PPIE: variants seen among roughly 807,000 people sequenced by gnomAD.
PPIE encodes peptidylprolyl isomerase E.
Under a neutral mutation model 38.4 loss-of-function variants are expected in PPIE, and 20 were observed. That is an observed-to-expected ratio of 0.52 (90% CI 0.37 to 0.76). The LOEUF (loss-of-function observed/expected upper bound fraction) is 0.76. Among genes scored for constraint, PPIE ranks in the 30% least tolerant of loss-of-function variants. PPIE has a pLI of 0.00. For missense variants in PPIE, 322 were observed against 385.8 expected (o/e 0.83, Z 1.39); for synonymous variants, 142 against 135.7 (o/e 1.05, Z -0.32).
chr1:39,753,316 G>C lies in PPIE; in HGVS notation c.867G>C (p.Lys289Asn). Residue 289 changes from lysine to asparagine, a missense_variant, in exon 10 of 10, where the codon AAG becomes AAC. Lys to Asn is a moderately conservative substitution (Grantham distance 94). Coordinates refer to ENST00000324379, the MANE Select transcript of PPIE (RefSeq NM_006112.4). ...EAQGSKDGKPKQKVIIADCGE... is the reference protein window; with the variant it reads ...EAQGSKDGKPNQKVIIADCGE... ...AGGGCAGCAAGGACGGGAAGCCAAA[G>C]CAGAAGGTGATCATCGCCGACTGTG... The C allele has an allele frequency of 6.2e-7, 1 of 1,614,210 alleles. No individual in the cohort carries two copies. The highest frequency in any genetic ancestry group is 8.5e-7 in the Non-Finnish European group (1 of 1,180,014).
downstream of PPIE, chr1:39,759,267 C>G (rs1008532832): frequency 1.3e-5 from 2 of 152,478 alleles, no homozygotes; most frequent in Admixed American, 6.5e-5. Flanking sequence ...GCCCAAGACA[C>G]AGGACAGGGC....
rs925962661 is a variant in PPIE at position 39,753,609 on chromosome 1, G to A, written c.*254G>A. 3.0e-6 allele frequency: 4 copies of A among 1,327,310 alleles called. No individual in the cohort carries two copies. Among genetic ancestry groups the A allele is most frequent in the Admixed American group, 7.3e-5 (2 of 27,346 alleles). The allele number at this position is 1,327,310 out of a possible 1,614,324, so 82.2% of individuals were successfully genotyped here. ...TGGGCAGGCTGTGCAAAAAGCCACTGGCTTTTCTCAGCATTTGCTGCTGGG... is the reference window on the plus strand; with the variant it reads ...TGGGCAGGCTGTGCAAAAAGCCACTAGCTTTTCTCAGCATTTGCTGCTGGG... On this transcript the variant is annotated 3_prime_UTR_variant, in exon 10 of 10. Transcript: ENST00000324379.
chr1:39,744,488 A>T (rs554781633), intron 6 of PPIE, among the ~76,000 whole-genome samples: 1 of 152,050 alleles, frequency 6.6e-6, no homozygotes, highest in African/African-American at 2.4e-5. Context: ...ATTCTTCTGT[A>T]TTTCTTTCTT....
At chr1:39,763,634 CTA>C (rs1321490941) in intron 9 of PPIE, 12 of 1,520,228 alleles carry the variant, frequency 7.9e-6, no homozygotes, top group South Asian at 1.2e-5. Context: ...CACCATGATT[CTA>C]TGTCCTCCCT....
At position 39,743,017 on chromosome 1, in the gene PPIE, T is replaced by TTG. The variant is rs1314829182; in HGVS notation, c.202-194_202-193dup. The TTG allele has an allele frequency of 7.6e-6, 4 of 523,528 alleles. No homozygotes were observed. In the African/African-American group the frequency reaches 7.7e-5, roughly 10 times the overall value. 32.4% of individuals were successfully genotyped at this position (523,528 alleles called of 1,614,324 possible). A position where few individuals can be genotyped will look rare whatever the true frequency, so the allele number is the denominator to read the frequency against. On this transcript the variant is annotated intron_variant, in intron 4 of 9. Transcript: ENST00000324379. ...GAGTTACTTTTGGTAATACAGGTCT[T>TTG]TGTGTGCTGCTATGAAAGAAAGGGG...
At chr1:39,752,873 C>T in intron 8 of PPIE, 37 bp from the exon 9 acceptor site, 17 of 1,594,660 alleles carry the variant, frequency 1.1e-5, no homozygotes, top group Non-Finnish European at 1.5e-5. Context: ...GGCTGGTAGC[C>T]AGGGTTCGGG....
At chr1:39,763,625 A>C in intron 9 of PPIE, 1 of 1,423,168 alleles carries the variant, frequency 7.0e-7, no homozygotes, top group Non-Finnish European at 9.5e-7. Flanking sequence ...AATTGAAGTC[A>C]CCATGATTCT....
chr1:39,739,962 G>T, intron 1 of PPIE: 1 of 525,610 alleles, frequency 1.9e-6, no homozygotes, highest in Admixed American at 3.5e-5. Flanking sequence ...GTAATCCCAG[G>T]ACTAGATGAG....
chr1:39,756,642 G>A lies in PPIE; in HGVS notation c.*3287G>A. On this transcript the variant is annotated 3_prime_UTR_variant, in exon 10 of 10. Coordinates refer to ENST00000324379, the MANE Select transcript of PPIE (RefSeq NM_006112.4). The stretch of plus-strand genomic sequence containing the variant: ...GTGATGGGAAACTAAAGTAGAAAAA[G>A]CACATCACAAAGAAACATATATAGT... The A allele has an allele frequency of 3.1e-6, 3 of 982,572 alleles. No individual in the cohort carries two copies. The highest frequency in any genetic ancestry group is 3.6e-6 in the Non-Finnish European group (3 of 827,416). The allele number at this position is 982,572 out of a possible 1,614,324, so 60.9% of individuals were successfully genotyped here.
In PPIE at chr1:39,748,904, G is replaced by T. The variant is rs1354299333; in HGVS notation, c.510G>T (p.Glu170Asp). The T allele has an allele frequency of 1.2e-6, 2 of 1,612,348 alleles. No individual in the cohort carries two copies. Among genetic ancestry groups the T allele is most frequent in the African/African-American group, 2.7e-5 (2 of 74,752 alleles). The part of the protein sequence containing the change: ...LRSDVVPMTA[E>D]NFRCLCTHEK... ...CGCTTTTTCCTTTCTCAATTCCAGA[G>T]AATTTCCGCTGCCTGTGCACTCATG... The change falls in exon 8 of 10, where the codon GAG becomes GAT. Residue 170 changes from glutamate to aspartate, a missense_variant and splice_region_variant. Glu to Asp is a conservative substitution (Grantham distance 45, BLOSUM62 2). Transcript: ENST00000324379.
At chr1:39,762,096 C>T (rs956665850) in intron 9 of PPIE, among the ~76,000 whole-genome samples, 1 of 152,220 alleles carries the variant, frequency 6.6e-6, no homozygotes, top group Non-Finnish European at 1.5e-5. Flanking sequence ...TGGGCCTTTC[C>T]AAGGAGGTGG....
chr1:39,754,189 C>A lies in PPIE; in HGVS notation c.*834C>A. ...CACGTCCATTTATTTACATATTGTCCATGGTGGTTTCTTACTGCAGTGGCA... is the reference window on the plus strand; with the variant it reads ...CACGTCCATTTATTTACATATTGTCAATGGTGGTTTCTTACTGCAGTGGCA... On this transcript the variant is annotated 3_prime_UTR_variant, in exon 10 of 10. Coordinates refer to ENST00000324379, the MANE Select transcript of PPIE (RefSeq NM_006112.4). 1.5e-6 allele frequency: 1 copy of A among 666,730 alleles called. No individual in the cohort carries two copies. Among genetic ancestry groups the A allele is most frequent in the Non-Finnish European group, 1.9e-6 (1 of 539,084 alleles). The allele number at this position is 666,730 out of a possible 1,614,324, so 41.3% of individuals were successfully genotyped here.
intron 8 of PPIE, among the ~76,000 whole-genome samples, chr1:39,750,887 A>T (rs1647657339): frequency 6.6e-6 from 1 of 152,226 alleles, no homozygotes; most frequent in South Asian, 2.1e-4. Context: ...TAGGTGATAT[A>T]GCCCACTGAC....
At chr1:39,751,775 A>G (rs1647756538) in intron 8 of PPIE, among the ~76,000 whole-genome samples, 1 of 152,032 alleles carries the variant, frequency 6.6e-6, no homozygotes, top group Non-Finnish European at 1.5e-5. Flanking sequence ...CACCCCCACA[A>G]TATTTCAGAC....
Position 39,753,021 on chromosome 1 carries a change from C to A in PPIE, c.806C>A (p.Thr269Asn). The change falls in exon 9 of 10, where the codon ACC becomes AAC. Residue 269 changes from threonine (T) to asparagine (N), a missense_variant. By Grantham distance (65) the Thr-to-Asn change is moderately conservative (BLOSUM62 0). Transcript: ENST00000324379. The stretch of plus-strand genomic sequence containing the variant: ...AAGCATGTGGTGTTTGGAGAGGTCA[C>A]CGAAGGCCTAGATGTCTTGCGGCAA... ...DGKHVVFGEVTEGLDVLRQIE... is the reference protein window; with the variant it reads ...DGKHVVFGEVNEGLDVLRQIE... 1.9e-6 allele frequency: 3 copies of A among 1,614,206 alleles called. No individual in the cohort carries two copies. Among genetic ancestry groups the A allele is most frequent in the Non-Finnish European group, 2.5e-6 (3 of 1,180,032 alleles).
At position 39,756,475 on chromosome 1, in the gene PPIE, G is replaced by A; in HGVS notation, c.*3120G>A. On this transcript the variant is annotated 3_prime_UTR_variant, in exon 10 of 10. Coordinates refer to ENST00000324379, the MANE Select transcript of PPIE (RefSeq NM_006112.4). ...GCCCAGGATCAGTGCTGTGGCTGTT[G>A]GAGTGTCCTCTCCAACAGCATGACA... is the stretch of plus-strand genomic sequence containing the variant. 2 of 985,396 alleles carry A rather than the reference G, an allele frequency of 2.0e-6. No individual in the cohort carries two copies. The highest frequency in any genetic ancestry group is 2.4e-6 in the Non-Finnish European group (2 of 829,930). 61.0% of individuals were successfully genotyped at this position (985,396 alleles called of 1,614,324 possible).
chr1:39,739,583 A>G (rs1267201700), intron 1 of PPIE, among the ~76,000 whole-genome samples: 1 of 152,200 alleles, frequency 6.6e-6, no homozygotes, highest in Non-Finnish European at 1.5e-5. Context: ...TGACCCATCC[A>G]TCTGGAGAAG....
rs749448341 is a variant in PPIE, at chr1:39,753,335, G to A, written c.886G>A (p.Asp296Asn). Reference protein sequence around the residue: ...GKPKQKVIIADCGEYV With the variant: ...GKPKQKVIIANCGEYV ...GCCAAAGCAGAAGGTGATCATCGCC[G>A]ACTGTGGGGAGTACGTGTGAGGCGG... Residue 296 changes from aspartate to asparagine, a missense_variant, in exon 10 of 10, where the codon GAC becomes AAC. Coordinates refer to ENST00000324379, the MANE Select transcript of PPIE (RefSeq NM_006112.4). 27 of 1,614,070 alleles carry A rather than the reference G, an allele frequency of 1.7e-5. No homozygotes were observed. The highest frequency in any genetic ancestry group is 5.0e-5 in the Admixed American group (3 of 60,006).
intron 7 of PPIE, chr1:39,746,368 T>G (rs1021278142): frequency 1.3e-5 from 2 of 152,228 alleles, no homozygotes; most frequent in Non-Finnish European, 2.9e-5. Flanking sequence ...ACCATCCTGC[T>G]GGGGGTTTTG....
Sources: allele counts gnomAD v4.1 joint callset (sites outside exome capture counted in the v4.1 genomes callset), GRCh38; gene constraint gnomAD v4.1.1; transcripts MANE v1.5; gene names NCBI Gene and HGNC (gene_info 2026-07-23, HGNC 2026-07-21).